Variants in KHDC1 observed in about 807,000 individuals in gnomAD.
The protein encoded by KHDC1 is KH domain containing 1, also known as KH homology domain-containing protein 1.
KHDC1 carries 21 observed loss-of-function variants against 24.7 expected under a neutral mutation model. The observed-to-expected ratio is 0.85, with a 90% CI of 0.60 to 1.23. KHDC1 has a LOEUF of 1.23. KHDC1 is among the 50% of genes most tolerant of loss of function. The probability of loss-of-function intolerance (pLI) is 0.00; values close to 1 mark genes in which losing one functional copy is unlikely to be tolerated. For synonymous variants in KHDC1, 98 were observed against 111.7 expected (o/e 0.88, Z 0.77); for missense variants, 274 against 298.5 (o/e 0.92, Z 0.61).
At chr6:73,284,569 T>G (rs1480991150) in intron 2 of KHDC1, 1 of 152,036 alleles carries the variant, frequency 6.6e-6, no homozygotes, top group Non-Finnish European at 1.5e-5. Context: ...AACTCCTGTC[T>G]CTCTGCTTGG....
At chr6:73,282,236 A>G (rs1562255371) in intron 2 of KHDC1, among the ~76,000 whole-genome samples, 1 of 149,626 alleles carries the variant, frequency 6.7e-6, no homozygotes, top group Non-Finnish European at 1.5e-5. Context: ...AAAAAAAAAG[A>G]TGCCACTCTA....
intron 2 of KHDC1, among the ~76,000 whole-genome samples, chr6:73,243,578 T>C (rs1267128451): frequency 6.6e-6 from 1 of 152,226 alleles, no homozygotes; most frequent in Non-Finnish European, 1.5e-5. Context: ...GATGTACTAG[T>C]CAAATTCAGG....
rs2150657412 is a variant in KHDC1, at chr6:73,278,523, C to A, written c.206+13475G>T. On this transcript the variant is annotated intron_variant, in intron 2 of 4. Transcript: ENST00000370384. ...ACAGGCATGAGCCACTGTAGTCTAG[C>A]CCTAGCTCTTTATTTTTAATTTCAG... is the stretch of plus-strand genomic sequence containing the variant. Among the ~76,000 whole-genome samples the A allele has an allele frequency of 2.6e-5, 4 of 152,266 alleles. No homozygotes were observed. The Middle Eastern group carries it at 0.01, about 388-fold the overall frequency.
Position 73,309,402 on chromosome 6 carries a change from G to GA in KHDC1, c.163+149_163+150insT, listed in dbSNP as rs1768037043. 5 of 742,522 alleles carry GA rather than the reference G, an allele frequency of 6.7e-6. No individual in the cohort carries two copies. The African/African-American group carries it at 7.4e-5, about 11-fold the overall frequency. The allele number at this position is 742,522 out of a possible 1,614,324, so 46.0% of individuals were successfully genotyped here. A position where few individuals can be genotyped will look rare whatever the true frequency, so the allele number is the denominator to read the frequency against. ...TCACAAACCAGGAGGCACACCCAGG[G>GA]TTTTTTTTAACATGGTGATTTGCAG... On this transcript the variant is annotated intron_variant, in intron 1 of 4. Transcript: ENST00000370384.
In KHDC1 at chr6:73,304,581, C is replaced by T. The variant is rs149045035; in HGVS notation, c.163+4971G>A. ...TCTCCCAAAGTACTAGGATGACAGG[C>T]GTGAGCCACTGCGCCAGCCACTTTT... On this transcript the variant is annotated intron_variant, in intron 1 of 4. Coordinates refer to ENST00000370384, the Ensembl canonical transcript of KHDC1. Among the ~76,000 whole-genome samples the T allele has an allele frequency of 1.5e-3, 230 of 152,220 alleles. 1 individual carries two copies. The highest frequency in any genetic ancestry group is 5.3e-3 in the African/African-American group (222 of 41,560).
rs375888086 is a variant in KHDC1, at chr6:73,282,132, T to G, written c.206+9866A>C. ...ACTCAGGAGGCTGAGGCATGAGAAT[T>G]GCTTGTACTCGGAAGGCGAAGGTTG... On this transcript the variant is annotated intron_variant, in intron 2 of 4. Transcript: ENST00000370384. 9.0e-3 allele frequency among the ~76,000 whole-genome samples: 1,228 copies of G among 135,966 alleles called. 12 individuals carry two copies. The highest frequency in any genetic ancestry group is 0.011 in the Non-Finnish European group (683 of 59,822). 89.2% of individuals were successfully genotyped at this position (135,966 alleles called of 152,430 possible). A position where few individuals can be genotyped will look rare whatever the true frequency, so the allele number is the denominator to read the frequency against.
chr6:73,287,856 GATCAT>G (rs1209018609), intron 2 of KHDC1, among the ~76,000 whole-genome samples: 1 of 152,140 alleles, frequency 6.6e-6, no homozygotes, highest in Admixed American at 6.5e-5. Flanking sequence ...CCCACCTAGT[GATCAT>G]TTTCTCAGCT....
chr6:73,258,347 G>A (rs1766918903), intron 2 of KHDC1, among the ~76,000 whole-genome samples: 1 of 152,140 alleles, frequency 6.6e-6, no homozygotes. Flanking sequence ...GGAGACTAAG[G>A]TGGAAGGATC....
chr6:73,244,825 C>T (rs775450517), intron 2 of KHDC1, among the ~76,000 whole-genome samples: 13 of 151,994 alleles, frequency 8.6e-5, no homozygotes, highest in Non-Finnish European at 1.5e-4. Flanking sequence ...CCCAGCTATT[C>T]GGGAGGCTGA....
chr6:73,271,592 C>T (rs917540221), intron 2 of KHDC1, among the ~76,000 whole-genome samples: 3 of 151,598 alleles, frequency 2.0e-5, no homozygotes, highest in African/African-American at 7.3e-5. Flanking sequence ...AATGAATAGC[C>T]ATTAAGAAGA....
intron 2 of KHDC1, among the ~76,000 whole-genome samples, chr6:73,263,899 A>G (rs2150572667): frequency 1.3e-5 from 2 of 152,286 alleles, no homozygotes; most frequent in South Asian, 4.2e-4. Context: ...ATTAGATGGG[A>G]GTATTAACAA....
rs59935884 is a variant in KHDC1, at chr6:73,259,280, C to CTTTTTTTTTTTTTTTTTTTTTT, written c.207-16772_207-16751dup. On this transcript the variant is annotated intron_variant, in intron 2 of 4. Coordinates refer to ENST00000370384, the Ensembl canonical transcript of KHDC1. ...GCTTTCTGCTGACAAATCCAATATGCTTTTTTTTTTTTTTTTTTTTTTTTT... is the reference window on the plus strand; with the variant it reads ...GCTTTCTGCTGACAAATCCAATATGCTTTTTTTTTTTTTTTTTTTTTTTTTTTTTTTTTTTTTTTTTTTTTTT... Among the ~76,000 whole-genome samples the CTTTTTTTTTTTTTTTTTTTTTT allele has an allele frequency of 5.9e-4, 43 of 73,258 alleles. 3 individuals are homozygous for CTTTTTTTTTTTTTTTTTTTTTT. Among genetic ancestry groups the CTTTTTTTTTTTTTTTTTTTTTT allele is most frequent in the East Asian group, 8.4e-4 (2 of 2,380 alleles). The allele number at this position is 73,258 out of a possible 152,430, so 48.1% of individuals were successfully genotyped here.
intron 2 of KHDC1, among the ~76,000 whole-genome samples, chr6:73,272,545 G>T (rs1448375722): frequency 2.6e-5 from 4 of 152,008 alleles, no homozygotes; most frequent in Non-Finnish European, 4.4e-5. Flanking sequence ...GGAGGCTGAG[G>T]TGGGCATATC....
intron 2 of KHDC1, among the ~76,000 whole-genome samples, chr6:73,265,209 C>A (rs1380703793): frequency 6.6e-6 from 1 of 152,118 alleles, no homozygotes; most frequent in Non-Finnish European, 1.5e-5. Flanking sequence ...AAGATAAATT[C>A]TCCCCAGAAA....
chr6:73,300,942 C>A (rs765745311), intron 1 of KHDC1: 2 of 152,052 alleles, frequency 1.3e-5, no homozygotes, highest in Non-Finnish European at 2.9e-5. Context: ...TTCGGCTGGG[C>A]GCGGTGGCTC....
chr6:73,273,642 C>T (rs971246915), intron 2 of KHDC1, among the ~76,000 whole-genome samples: 48 of 150,982 alleles, frequency 3.2e-4, no homozygotes, highest in African/African-American at 1.2e-3. Flanking sequence ...CGGTGAAACC[C>T]CGTCTCTACT....
In KHDC1 at chr6:73,264,774, A is replaced by G. The variant is rs552425257; in HGVS notation, c.207-22244T>C. 1.0e-3 allele frequency among the ~76,000 whole-genome samples: 158 copies of G among 152,348 alleles called. 1 individual carries two copies. The highest frequency in any genetic ancestry group is 3.4e-3 in the African/African-American group (142 of 41,584). On this transcript the variant is annotated intron_variant, in intron 2 of 4. Coordinates refer to ENST00000370384, the Ensembl canonical transcript of KHDC1. ...AGGGAGAAGAGTTCCTCTAGCTGAC[A>G]TTGACAGGAAAGCAGAGTCAAAAAC...
At chr6:73,249,421 T>C (rs768119114) in intron 2 of KHDC1, among the ~76,000 whole-genome samples, 2 of 152,100 alleles carry the variant, frequency 1.3e-5, no homozygotes, top group Non-Finnish European at 2.9e-5. Context: ...ATGAAAATAA[T>C]ATTATCCAAA....
intron 2 of KHDC1, among the ~76,000 whole-genome samples, chr6:73,287,626 C>G (rs1767548479): frequency 6.6e-6 from 1 of 152,164 alleles, no homozygotes; most frequent in Admixed American, 6.5e-5. Context: ...GTTCCCTCTT[C>G]CTTCCCACAA....
Sources: allele counts gnomAD v4.1 joint callset (sites outside exome capture counted in the v4.1 genomes callset), GRCh38; gene constraint gnomAD v4.1.1; transcripts MANE v1.5; gene names NCBI Gene and HGNC (gene_info 2026-07-23, HGNC 2026-07-21).